Variants in WWOX observed in about 807,000 individuals in gnomAD.
The protein encoded by WWOX is WW domain-containing oxidoreductase.
Under a neutral mutation model 46.2 loss-of-function variants are expected in WWOX, and 69 were observed. That is an observed-to-expected ratio of 1.49 (90% CI 1.23 to 1.82). WWOX has a LOEUF of 1.82. Ranked by LOEUF, WWOX falls within the 40% of genes most tolerant of loss-of-function variation. The probability of loss-of-function intolerance (pLI) is 0.00; values close to 1 mark genes in which losing one functional copy is unlikely to be tolerated. For synonymous variants in WWOX, 359 were observed against 202.6 expected, an observed-to-expected ratio of 1.77 and a Z score of -6.56; for missense variants, 919 against 542.6, an observed-to-expected ratio of 1.69 and a Z score of -6.89.
chr16:78,245,618 G>A (rs1022395711), intron 5 of WWOX, among the ~76,000 whole-genome samples: 2 of 152,208 alleles, frequency 1.3e-5, no homozygotes, highest in East Asian at 3.8e-4. Flanking sequence ...TTAAAGTCGA[G>A]TGAATTTTCT....
intron 8 of WWOX, among the ~76,000 whole-genome samples, chr16:79,143,971 C>G (rs937699451): frequency 1.3e-5 from 2 of 152,158 alleles, no homozygotes; most frequent in African/African-American, 4.8e-5. Context: ...GTGGCACAGT[C>G]ATAGCTCACT....
intron 8 of WWOX, among the ~76,000 whole-genome samples, chr16:78,582,740 A>C (rs981341110): frequency 1.3e-5 from 2 of 152,176 alleles, no homozygotes; most frequent in African/African-American, 4.8e-5. Context: ...AAAAGTCTTC[A>C]TCAATTTGAG....
rs188736576 is a variant in WWOX at position 78,532,420 on chromosome 16, C to A, written c.1056+99668C>A. On this transcript the variant is annotated intron_variant, in intron 8 of 8. Coordinates refer to ENST00000566780, the MANE Select transcript of WWOX (RefSeq NM_016373.4). ...TGAAATGACCATAGTAAGTTCCTGC[C>A]TAGGCTCTCCCCTGAAGCTGAAATG... 7.7e-4 allele frequency among the ~76,000 whole-genome samples: 117 copies of A among 152,184 alleles called. 1 individual carries two copies. The highest frequency in any genetic ancestry group is 1.4e-3 in the Non-Finnish European group (94 of 68,018).
intron 5 of WWOX, among the ~76,000 whole-genome samples, chr16:78,382,841 G>A (rs1049951176): frequency 6.6e-6 from 1 of 152,012 alleles, no homozygotes; most frequent in Non-Finnish European, 1.5e-5. Flanking sequence ...CTCAAGTTGT[G>A]TTAGTTCCTT....
intron 8 of WWOX, among the ~76,000 whole-genome samples, chr16:78,777,370 G>A (rs937394753): frequency 6.6e-5 from 10 of 152,166 alleles, no homozygotes; most frequent in African/African-American, 2.4e-4. Context: ...CTTGAAACGT[G>A]ACTAGTATGA....
At chr16:78,873,877 G>C (rs779010651) in intron 8 of WWOX, among the ~76,000 whole-genome samples, 8 of 152,116 alleles carry the variant, frequency 5.3e-5, no homozygotes, top group Admixed American at 4.6e-4. Flanking sequence ...GGAGTATAGC[G>C]AGGGGCAATC....
intron 8 of WWOX, among the ~76,000 whole-genome samples, chr16:79,055,326 C>A (rs1452603295): frequency 6.6e-6 from 1 of 152,160 alleles, no homozygotes; most frequent in African/African-American, 2.4e-5. Context: ...CTACTCATCT[C>A]ATTGAGAGAT....
At position 78,842,031 on chromosome 16, in the gene WWOX, G is replaced by A. The variant is rs981250487; in HGVS notation, c.1057-369577G>A. On this transcript the variant is annotated intron_variant, in intron 8 of 8. Transcript: ENST00000566780. ...CACACTATAAAGGTGAATGGTAATT[G>A]GCATCTCCCCTTCAAGGGGACCAGG... Among the ~76,000 whole-genome samples, 4 of 152,216 alleles carry A rather than the reference G, an allele frequency of 2.6e-5. No homozygotes were observed. In the South Asian group the frequency reaches 6.2e-4, roughly 24 times the overall value.
Position 79,153,119 on chromosome 16 carries a change from C to G in WWOX, c.1057-58489C>G, listed in dbSNP as rs182604068. On this transcript the variant is annotated intron_variant, in intron 8 of 8. Coordinates refer to ENST00000566780, the MANE Select transcript of WWOX (RefSeq NM_016373.4). ...ACTCACTTGAGTACACGCTCAGGGT[C>G]ATGGGCTTGCTATATTTTTCATTCA... 3.9e-5 allele frequency among the ~76,000 whole-genome samples: 6 copies of G among 152,278 alleles called. No individual in the cohort carries two copies. In the East Asian group the frequency reaches 9.7e-4, roughly 25 times the overall value.
At chr16:79,207,788 C>CTT (rs35405085) in intron 8 of WWOX, among the ~76,000 whole-genome samples, 24 of 150,788 alleles carry the variant, frequency 1.6e-4, no homozygotes, top group African/African-American at 4.4e-4. Flanking sequence ...TATGTGGGTG[C>CTT]TTTTTTTTTC....
intron 8 of WWOX, among the ~76,000 whole-genome samples, chr16:78,771,461 G>T (rs1322182011): frequency 6.6e-6 from 1 of 152,152 alleles, no homozygotes; most frequent in East Asian, 1.9e-4. Context: ...TAATGCCACG[G>T]AATTGTATCC....
chr16:78,948,503 GGCACCAGACCCCAAGACA>G (rs2045992712), intron 8 of WWOX, among the ~76,000 whole-genome samples: 1 of 152,096 alleles, frequency 6.6e-6, no homozygotes, highest in African/African-American at 2.4e-5. Context: ...TTTCCTGAAA[GGCACCAGACCCCAAGACA>G]GCTCTGCTGC....
chr16:78,888,594 A>T (rs1001327722), intron 8 of WWOX, among the ~76,000 whole-genome samples: 1 of 152,124 alleles, frequency 6.6e-6, no homozygotes, highest in Non-Finnish European at 1.5e-5. Context: ...GACAGCTGTC[A>T]TTCTAATGAG....
intron 8 of WWOX, among the ~76,000 whole-genome samples, chr16:78,969,831 A>G (rs1012284958): frequency 6.6e-6 from 1 of 152,278 alleles, no homozygotes; most frequent in East Asian, 1.9e-4. Flanking sequence ...AGTGGTTGCC[A>G]GGGGCTGGGG....
chr16:78,856,178 T>C (rs553225949), intron 8 of WWOX, among the ~76,000 whole-genome samples: 2 of 152,178 alleles, frequency 1.3e-5, no homozygotes, highest in East Asian at 3.9e-4. Context: ...ATTTTTTTGG[T>C]GCATAAAGGG....
At chr16:78,807,084 C>T (rs2051060842) in intron 8 of WWOX, among the ~76,000 whole-genome samples, 1 of 152,218 alleles carries the variant, frequency 6.6e-6, no homozygotes, top group African/African-American at 2.4e-5. Context: ...CACCAAGTGC[C>T]TGGTGCAGAC....
chr16:79,138,463 C>T (rs967354317), intron 8 of WWOX, among the ~76,000 whole-genome samples: 4 of 152,302 alleles, frequency 2.6e-5, no homozygotes, highest in South Asian at 4.1e-4. Context: ...ACACATTCCT[C>T]GTCTCTTTCC....
intron 8 of WWOX, chr16:78,897,374 G>C (rs1046555148): frequency 6.8e-6 from 1 of 146,026 alleles, no homozygotes; most frequent in Non-Finnish European, 1.5e-5. Context: ...TTCAATCATT[G>C]TAACTTTGTT....
At chr16:78,676,317 C>A (rs889538761) in intron 8 of WWOX, among the ~76,000 whole-genome samples, 11 of 152,004 alleles carry the variant, frequency 7.2e-5, no homozygotes. Flanking sequence ...AGACTTTGTC[C>A]CCTTTTGTTC....
Sources: allele counts gnomAD v4.1 joint callset (sites outside exome capture counted in the v4.1 genomes callset), GRCh38; gene constraint gnomAD v4.1.1; transcripts MANE v1.5; gene names NCBI Gene and HGNC (gene_info 2026-07-23, HGNC 2026-07-21).